The following FCHO1 variants were observed in gnomAD, a reference collection of about 807,000 sequenced individuals.
FCHO1 encodes FCH and mu domain containing endocytic adaptor 1, also known as F-BAR domain only protein 1.
In FCHO1, 45 loss-of-function variants were observed where a neutral mutation model predicts 114.4. That is an observed-to-expected ratio of 0.39 (90% CI 0.31 to 0.50). The LOEUF (loss-of-function observed/expected upper bound fraction) is 0.50. FCHO1 is among the 20% of genes least tolerant of loss of function. The pLI is 0.77. For synonymous variants in FCHO1, 480 were observed against 488.9 expected, an observed-to-expected ratio of 0.98 and a Z score of 0.24; for missense variants, 1,042 against 1,209.6, an observed-to-expected ratio of 0.86 and a Z score of 2.06.
intron 23 of FCHO1, among the ~76,000 whole-genome samples, 167 bp downstream of exon 23, chr19:17,781,987 C>CT (rs67498129): frequency 3.3e-4 from 42 of 126,038 alleles, no homozygotes; most frequent in African/African-American, 1.3e-3. Flanking sequence ...ATAGGAGGGC[C>CT]TTTTTTTTTT....
At chr19:17,759,156 T>C (rs1049734583) in intron 4 of FCHO1, among the ~76,000 whole-genome samples, 5 of 151,782 alleles carry the variant, frequency 3.3e-5, no homozygotes, top group African/African-American at 1.2e-4. Flanking sequence ...AAGCCTTCTC[T>C]TCCAGTGTTA....
Position 17,751,753 on chromosome 19 carries a change from C to T in FCHO1, c.-183+176C>T, listed in dbSNP as rs1474337180. Among the ~76,000 whole-genome samples, 2 of 152,222 alleles carry T rather than the reference C, an allele frequency of 1.3e-5. No homozygotes were observed. Among genetic ancestry groups the T allele is most frequent in the African/African-American group, 4.8e-5 (2 of 41,450 alleles). ...GTTGCCCTGCCCCCCGTCCCCCATT[C>T]CAGCTGTGAGTGGTGGTTTGGGTTA... On this transcript the variant is annotated intron_variant, in intron 1 of 28. Transcript: ENST00000596536. This position sits in a 1 kb window ranked among gnomAD's most constrained non-coding sequence, Gnocchi z 4.4.
chr19:17,781,432 A>G lies in FCHO1; in HGVS notation c.1741-20A>G, dbSNP rs887911561. ...TGGTCCTGGGGCACTCACAGCCAAG[A>G]TTGTCTCTTTCCCTTCCAGTCTCGT... On this transcript the variant is annotated intron_variant, in intron 21 of 28. Transcript: ENST00000596536. 1.2e-6 allele frequency: 2 copies of G among 1,613,618 alleles called. No individual in the cohort carries two copies. Among genetic ancestry groups the G allele is most frequent in the East Asian group, 2.2e-5 (1 of 44,868 alleles).
rs145154295 is a variant in FCHO1, at chr19:17,764,424, C to T, written c.169C>T (p.Leu57=). ...YSKAMAKLSK[L]ASNGTPMGTF... ...GAAGGCGATGGCGAAACTCTCCAAGCTGGCCAGCAACGGGACCCCCATGGG... is the reference window on the plus strand; with the variant it reads ...GAAGGCGATGGCGAAACTCTCCAAGTTGGCCAGCAACGGGACCCCCATGGG... Residue 57 remains leucine (L), a synonymous_variant, in exon 6 of 29, where the codon CTG becomes TTG. Coordinates refer to ENST00000596536, the MANE Select transcript of FCHO1 (RefSeq NM_015122.3). 23 of 1,613,410 alleles carry T rather than the reference C, an allele frequency of 1.4e-5. No homozygotes were observed. In the Admixed American group the frequency reaches 3.2e-4, roughly 22 times the overall value.
intron 10 of FCHO1, 29 bp downstream of exon 10, chr19:17,772,584 C>T: frequency 6.2e-7 from 1 of 1,613,122 alleles, no homozygotes; most frequent in African/African-American, 1.3e-5. Context: ...AGGAATGAGG[C>T]TGGGGTCACT....
intron 13 of FCHO1, 115 bp from the exon 14 acceptor site, chr19:17,774,941 G>T: frequency 1.7e-6 from 2 of 1,184,556 alleles, no homozygotes; most frequent in South Asian, 1.2e-5. Flanking sequence ...GGCTAGCTCA[G>T]GGCAGTATCA....
chr19:17,769,331 C>T (rs2090617493), intron 7 of FCHO1, among the ~76,000 whole-genome samples: 1 of 147,140 alleles, frequency 6.8e-6, no homozygotes, highest in Non-Finnish European at 1.5e-5. Context: ...AATCCCAGCA[C>T]TTTGGGAGTC....
rs926809836 is a variant in FCHO1 at position 17,772,836 on chromosome 19, T to A, written c.790+95T>A. On this transcript the variant is annotated intron_variant, in intron 11 of 28. Coordinates refer to ENST00000596536, the MANE Select transcript of FCHO1 (RefSeq NM_015122.3). ...CCAGCTAATTTTTTTTTTATTTTTTTATTTTTAATAGAGACGAGGTTTCAC... is the reference window on the plus strand; with the variant it reads ...CCAGCTAATTTTTTTTTTATTTTTTAATTTTTAATAGAGACGAGGTTTCAC... The A allele has an allele frequency of 6.7e-6, 6 of 892,358 alleles. No individual in the cohort carries two copies. The African/African-American group carries it at 6.8e-5, about 10-fold the overall frequency. 55.3% of individuals were successfully genotyped at this position (892,358 alleles called of 1,614,324 possible). A position where few individuals can be genotyped will look rare whatever the true frequency, so the allele number is the denominator to read the frequency against.
In FCHO1 at chr19:17,778,762, C is replaced by G; in HGVS notation, c.1505C>G (p.Pro502Arg). ...WVPRPGTPQS[P>R]PSCRAPPPEA... ...CCCCGCCCAGGCACCCCGCAGAGCC[C>G]GCCCAGCTGTAGGGCGCCACCCCCA... The change falls in exon 20 of 29, where the codon CCG becomes CGG. Residue 502 changes from proline to arginine, a missense_variant. By Grantham distance (103) the Pro-to-Arg change is moderately radical. Coordinates refer to ENST00000596536, the MANE Select transcript of FCHO1 (RefSeq NM_015122.3). 1 of 1,538,954 alleles carries G rather than the reference C, an allele frequency of 6.5e-7. No homozygotes were observed. Among genetic ancestry groups the G allele is most frequent in the Non-Finnish European group, 8.7e-7 (1 of 1,147,586 alleles).
At chr19:17,756,751 T>G (rs2083691914) in intron 4 of FCHO1, among the ~76,000 whole-genome samples, 1 of 152,170 alleles carries the variant, frequency 6.6e-6, no homozygotes, top group African/African-American at 2.4e-5. Context: ...AGCCTGGTTC[T>G]TTGCTGGGTG....
intron 23 of FCHO1, 72 bp downstream of exon 23, chr19:17,781,892 A>G: frequency 1.0e-6 from 1 of 986,976 alleles, no homozygotes. Flanking sequence ...CAGCTTTCAG[A>G]TGTGCTTCAT....
chr19:17,763,716 C>T (rs1439189036), intron 5 of FCHO1, among the ~76,000 whole-genome samples: 2 of 151,694 alleles, frequency 1.3e-5, no homozygotes, highest in Non-Finnish European at 2.9e-5. Flanking sequence ...CACCACCACA[C>T]CTATCTAAGT....
intron 23 of FCHO1, among the ~76,000 whole-genome samples, chr19:17,782,721 C>G (rs954124632): frequency 2.0e-5 from 3 of 152,036 alleles, no homozygotes; most frequent in Non-Finnish European, 4.4e-5. Flanking sequence ...GATCAAAAAC[C>G]CAAGCAAAGG....
intron 20 of FCHO1, among the ~76,000 whole-genome samples, chr19:17,780,448 G>T (rs1431305565): frequency 6.6e-6 from 1 of 152,142 alleles, no homozygotes; most frequent in Non-Finnish European, 1.5e-5. Context: ...ACAGGCGTGA[G>T]CCACCGCACC....
At chr19:17,773,684 A>T (rs1308110962) in intron 11 of FCHO1, among the ~76,000 whole-genome samples, 1 of 152,166 alleles carries the variant, frequency 6.6e-6, no homozygotes, top group African/African-American at 2.4e-5. Context: ...GGAAGTATGT[A>T]GAAGTAGCTC....
At chr19:17,748,058 C>A (rs1240456484), upstream of FCHO1, among the ~76,000 whole-genome samples, 1 of 152,166 alleles carries the variant, frequency 6.6e-6, no homozygotes, top group Non-Finnish European at 1.5e-5. Flanking sequence ...TAGAACCGAG[C>A]GTGCACGGGG....
At chr19:17,748,263 T>A (rs2081049274), upstream of FCHO1, among the ~76,000 whole-genome samples, 2 of 152,052 alleles carry the variant, frequency 1.3e-5, no homozygotes, top group South Asian at 4.2e-4. Flanking sequence ...GAGGGACCCC[T>A]TCCCTTTTCC....
intron 4 of FCHO1, among the ~76,000 whole-genome samples, chr19:17,756,423 T>C (rs1393057749): frequency 2.0e-5 from 3 of 152,198 alleles, no homozygotes; most frequent in African/African-American, 7.2e-5. Flanking sequence ...CCTTTTTAAT[T>C]GTGTGAGGCG....
intron 22 of FCHO1, 53 bp from the exon 23 acceptor site, chr19:17,781,659 C>T (rs2093421552): frequency 6.5e-7 from 1 of 1,542,450 alleles, no homozygotes; most frequent in Non-Finnish European, 8.9e-7. Context: ...AGCCTGGAGC[C>T]TATATTCACA....
Sources: allele counts gnomAD v4.1 joint callset (sites outside exome capture counted in the v4.1 genomes callset), GRCh38; gene constraint gnomAD v4.1.1; non-coding constraint Gnocchi (gnomAD v3.1); transcripts MANE v1.5; gene names NCBI Gene and HGNC (gene_info 2026-07-23, HGNC 2026-07-21).